RABGAP1L: variants seen among roughly 807,000 people sequenced by gnomAD.
The protein encoded by RABGAP1L is rab GTPase-activating protein 1-like.
In RABGAP1L, 63 loss-of-function variants were observed where a neutral mutation model predicts 137.7. The ratio of observed to expected loss-of-function variants is 0.46; its 90% CI spans 0.37 to 0.56. RABGAP1L has a LOEUF of 0.56. RABGAP1L is among the 20% of genes least tolerant of loss of function. The pLI, the probability that RABGAP1L is intolerant of heterozygous loss-of-function variation, is 0.00. For synonymous variants in RABGAP1L, 431 were observed against 433.7 expected (o/e 0.99, Z 0.08); for missense variants, 1,095 against 1,244.0 (o/e 0.88, Z 1.80).
chr1:174,425,356 A>C (rs1015259148), intron 13 of RABGAP1L, among the ~76,000 whole-genome samples: 1 of 152,010 alleles, frequency 6.6e-6, no homozygotes, highest in African/African-American at 2.4e-5. Context: ...GGTGGTAAGC[A>C]TGTCACTTTA....
rs192192882 is a variant in RABGAP1L, at chr1:174,532,198, T to C, written c.1711-105177T>C. 5.6e-3 allele frequency among the ~76,000 whole-genome samples: 844 copies of C among 151,574 alleles called. 4 individuals carry two copies. The highest frequency in any genetic ancestry group is 0.01 in the South Asian group (50 of 4,800). Reference sequence around the variant, plus strand: ...AAGTCAGAAGGATCACAGGAGTTTTTTGTTTTTTGTTTTTTTGTTTTTTTT... The same window carrying C: ...AAGTCAGAAGGATCACAGGAGTTTTCTGTTTTTTGTTTTTTTGTTTTTTTT... On this transcript the variant is annotated intron_variant, in intron 13 of 25. Coordinates refer to ENST00000681986, the MANE Select transcript of RABGAP1L (RefSeq NM_001366446.1).
intron 10 of RABGAP1L, among the ~76,000 whole-genome samples, chr1:174,280,824 A>C (rs1675458091): frequency 6.6e-6 from 1 of 152,216 alleles, no homozygotes. Flanking sequence ...TGCTGACTTC[A>C]AGAATGAAGC....
chr1:174,676,108 G>A (rs1220343162), intron 14 of RABGAP1L, among the ~76,000 whole-genome samples: 2 of 152,030 alleles, frequency 1.3e-5, no homozygotes, highest in African/African-American at 4.8e-5. Flanking sequence ...AAGTAATTTA[G>A]GGCATGGGGT....
chr1:174,635,399 G>C (rs1673920190), intron 13 of RABGAP1L, among the ~76,000 whole-genome samples: 1 of 152,174 alleles, frequency 6.6e-6, no homozygotes, highest in African/African-American at 2.4e-5. Flanking sequence ...GAGCTCTTCT[G>C]TTGGAGAAAA....
At chr1:174,746,360 T>C (rs1683865589) in intron 17 of RABGAP1L, among the ~76,000 whole-genome samples, 1 of 152,242 alleles carries the variant, frequency 6.6e-6, no homozygotes, top group South Asian at 2.1e-4. Context: ...TACTTCGTCA[T>C]GCATGCAAGG....
intron 17 of RABGAP1L, among the ~76,000 whole-genome samples, chr1:174,734,954 CTTTTTTTTTTTTT>C (rs756783714): frequency 1.0e-5 from 1 of 96,116 alleles, no homozygotes; most frequent in East Asian, 2.8e-4. Flanking sequence ...GGATCTCTCT[CTTTTTTTTTTTTT>C]TTTTTTTTTT....
intron 19 of RABGAP1L, among the ~76,000 whole-genome samples, chr1:174,820,672 A>G (rs1253743825): frequency 6.6e-6 from 1 of 152,190 alleles, no homozygotes; most frequent in Non-Finnish European, 1.5e-5. Flanking sequence ...GTTACCCAAG[A>G]TAAAAAGCAT....
At chr1:174,541,888 A>G (rs1170451647) in intron 13 of RABGAP1L, among the ~76,000 whole-genome samples, 3 of 152,120 alleles carry the variant, frequency 2.0e-5, no homozygotes, top group African/African-American at 7.2e-5. Flanking sequence ...TATATGATGG[A>G]TTATGTTTAT....
intron 13 of RABGAP1L, among the ~76,000 whole-genome samples, chr1:174,476,005 T>C (rs1164091382): frequency 1.3e-5 from 2 of 151,940 alleles, no homozygotes; most frequent in Non-Finnish European, 2.9e-5. Flanking sequence ...GAAAGAACAA[T>C]AGGGTGGGAG....
intron 1 of RABGAP1L, among the ~76,000 whole-genome samples, chr1:174,193,172 C>T (rs143910355): frequency 6.6e-5 from 10 of 152,142 alleles, no homozygotes; most frequent in Admixed American, 1.3e-4. Context: ...AATCAAACCT[C>T]GAATGTTTAC....
At chr1:174,529,272 T>G (rs1664187006) in intron 13 of RABGAP1L, among the ~76,000 whole-genome samples, 1 of 152,154 alleles carries the variant, frequency 6.6e-6, no homozygotes, top group African/African-American at 2.4e-5. Context: ...TTCTTTCAGT[T>G]TTTTGAATTT....
chr1:174,982,815 A>G lies in RABGAP1L; in HGVS notation c.2734-19A>G. On this transcript the variant is annotated intron_variant, in intron 23 of 25. Coordinates refer to ENST00000681986, the MANE Select transcript of RABGAP1L (RefSeq NM_001366446.1). ...GAGTTGTTCTGTTTTCTAGTAAAAG[A>G]CTCTTTTCTCATCCTTAGATCTGTT... The G allele has an allele frequency of 6.5e-7, 1 of 1,549,618 alleles. No individual in the cohort carries two copies. Among genetic ancestry groups the G allele is most frequent in the South Asian group, 1.2e-5 (1 of 84,028 alleles).
At chr1:174,495,619 C>T (rs1451291125) in intron 13 of RABGAP1L, among the ~76,000 whole-genome samples, 1 of 152,190 alleles carries the variant, frequency 6.6e-6, no homozygotes, top group African/African-American at 2.4e-5. Flanking sequence ...GTTCTGTATA[C>T]ACAAACAGTA....
intron 13 of RABGAP1L, among the ~76,000 whole-genome samples, chr1:174,617,136 C>T (rs1671962140): frequency 6.6e-6 from 1 of 152,102 alleles, no homozygotes; most frequent in South Asian, 2.1e-4. Flanking sequence ...AATGGTAATC[C>T]TCATTTCTGA....
intron 10 of RABGAP1L, among the ~76,000 whole-genome samples, chr1:174,289,270 T>C (rs1676356899): frequency 1.3e-5 from 2 of 152,216 alleles, no homozygotes; most frequent in South Asian, 4.1e-4. Context: ...CTTGAATTCC[T>C]GGTCTCAAGA....
Position 174,699,751 on chromosome 1 carries a change from G to A in RABGAP1L, c.2025+101G>A. Reference sequence around the variant, plus strand: ...AATAATGAATTATAGAAGTTTAATGGAATATTATAGAAAATGTACATGGAT... The same window carrying A: ...AATAATGAATTATAGAAGTTTAATGAAATATTATAGAAAATGTACATGGAT... On this transcript the variant is annotated intron_variant, in intron 16 of 25. Transcript: ENST00000681986. 3 of 1,136,182 alleles carry A rather than the reference G, an allele frequency of 2.6e-6. No individual in the cohort carries two copies. The South Asian group carries it at 5.1e-5, about 19-fold the overall frequency. 70.4% of individuals were successfully genotyped at this position (1,136,182 alleles called of 1,614,324 possible).
intron 19 of RABGAP1L, among the ~76,000 whole-genome samples, chr1:174,859,632 A>T (rs1003972507): frequency 2.6e-5 from 4 of 152,090 alleles, no homozygotes; most frequent in African/African-American, 9.7e-5. Flanking sequence ...TCTCACTTAC[A>T]AGTGGGTGCT....
chr1:174,360,016 A>C (rs1303288908), intron 11 of RABGAP1L, among the ~76,000 whole-genome samples: 1 of 152,160 alleles, frequency 6.6e-6, no homozygotes, highest in Non-Finnish European at 1.5e-5. Context: ...CTTGTTCATC[A>C]GGGATCTGGT....
At chr1:174,161,884 A>G (rs1430605491) in intron 1 of RABGAP1L, among the ~76,000 whole-genome samples, 1 of 152,132 alleles carries the variant, frequency 6.6e-6, no homozygotes, top group Non-Finnish European at 1.5e-5. Context: ...ACATGCCACC[A>G]AACCTGGCTA....
Sources: gnomAD v4.1 joint callset for allele counts (sites outside exome capture counted in the v4.1 genomes callset) on GRCh38, gnomAD v4.1.1 for gene constraint, MANE v1.5 for transcripts, NCBI Gene and HGNC (gene_info 2026-07-23, HGNC 2026-07-21) for gene names.